PDE11A: variants seen among roughly 807,000 people sequenced by gnomAD.
The protein encoded by PDE11A is phosphodiesterase 11A.
A neutral mutation model predicts 100.5 loss-of-function variants in PDE11A; 100 were observed. The ratio of observed to expected loss-of-function variants is 1.00; its 90% CI spans 0.85 to 1.18. PDE11A has a LOEUF of 1.18. Among genes scored for constraint, PDE11A ranks in the 50% most tolerant of loss-of-function variants. The pLI is 0.00. For synonymous variants in PDE11A, 381 were observed against 420.8 expected (o/e 0.91, Z 1.16); for missense variants, 1,141 against 1,152.6 (o/e 0.99, Z 0.15).
At chr2:177,928,635 G>A (rs942318061) in intron 2 of PDE11A, among the ~76,000 whole-genome samples, 9 of 152,168 alleles carry the variant, frequency 5.9e-5, no homozygotes, top group African/African-American at 2.2e-4. Context: ...GAATAGCCAG[G>A]CACAATGGCT....
At chr2:178,057,130 T>C (rs150892486) in intron 1 of PDE11A, among the ~76,000 whole-genome samples, 6 of 152,320 alleles carry the variant, frequency 3.9e-5, no homozygotes, top group African/African-American at 1.4e-4. Flanking sequence ...TCCTTTGAGC[T>C]TTGGAGCATT....
intron 9 of PDE11A, among the ~76,000 whole-genome samples, chr2:177,800,681 C>A (rs748032036): frequency 5.9e-5 from 9 of 152,150 alleles, no homozygotes; most frequent in Non-Finnish European, 1.3e-4. Context: ...GAACCAGACC[C>A]ATAGACATAT....
chr2:177,761,330 G>T (rs756486353), intron 10 of PDE11A, among the ~76,000 whole-genome samples: 2 of 152,204 alleles, frequency 1.3e-5, no homozygotes, highest in Admixed American at 1.3e-4. Context: ...GGGTGAAATT[G>T]TCAGAAATTT....
At chr2:177,651,902 T>G (rs2080314940) in intron 19 of PDE11A, among the ~76,000 whole-genome samples, 1 of 152,170 alleles carries the variant, frequency 6.6e-6, no homozygotes, top group Admixed American at 6.5e-5. Context: ...ATACCCTCCC[T>G]AGTTTCTCAT....
chr2:177,811,594 G>T (rs970085566), intron 9 of PDE11A, among the ~76,000 whole-genome samples: 1 of 137,386 alleles, frequency 7.3e-6, no homozygotes, highest in African/African-American at 3.0e-5. Context: ...ACCATGTGTG[G>T]ATTATGGCTG....
intron 6 of PDE11A, among the ~76,000 whole-genome samples, chr2:177,828,597 A>C (rs993711964): frequency 1.3e-5 from 2 of 152,230 alleles, no homozygotes; most frequent in Non-Finnish European, 2.9e-5. Flanking sequence ...TAACATTTGG[A>C]CAATGGTCTT....
Position 177,701,179 on chromosome 2 carries a change from G to T in PDE11A, c.2186C>A (p.Thr729Asn). The change falls in exon 14 of 20, where the codon ACC becomes AAC. Residue 729 changes from threonine to asparagine, a missense_variant. By Grantham distance (65) the Thr-to-Asn change is moderately conservative. Transcript: ENST00000286063. ...SGSALAQLYGTSATLEHHHFN... is the reference protein window; with the variant it reads ...SGSALAQLYGNSATLEHHHFN... The stretch of plus-strand genomic sequence containing the variant: ...ATGGTGATGCTCCAAGGTAGCAGAG[G>T]TTCCATAGAGTTGGGCCAGGGCAGA... The T allele has an allele frequency of 1.9e-6, 3 of 1,605,724 alleles. No homozygotes were observed. Among genetic ancestry groups the T allele is most frequent in the South Asian group, 1.1e-5 (1 of 90,874 alleles).
intron 13 of PDE11A, among the ~76,000 whole-genome samples, chr2:177,705,946 AG>A (rs1288626830): frequency 6.6e-6 from 1 of 152,228 alleles, no homozygotes; most frequent in Non-Finnish European, 1.5e-5. Flanking sequence ...TTTAATCATC[AG>A]GGGCAGCTGT....
chr2:178,091,512 G>A (rs186857288), intron 2 of PDE11A, among the ~76,000 whole-genome samples: 28 of 152,236 alleles, frequency 1.8e-4, no homozygotes, highest in African/African-American at 6.5e-4. Flanking sequence ...CACATCACAG[G>A]GCTATTGTTG....
intron 9 of PDE11A, among the ~76,000 whole-genome samples, chr2:177,793,583 G>A (rs1038276927): frequency 3.3e-5 from 5 of 149,538 alleles, no homozygotes; most frequent in African/African-American, 4.9e-5. Flanking sequence ...GGGAGGAAAG[G>A]ACCAGAGCCA....
intron 1 of PDE11A, among the ~76,000 whole-genome samples, chr2:178,033,888 T>G (rs892395429): frequency 6.6e-6 from 1 of 152,104 alleles, no homozygotes; most frequent in Admixed American, 6.5e-5. Context: ...ACAAGACCCC[T>G]GAAGGAAGCA....
chr2:177,883,446 T>C (rs2084379481), intron 4 of PDE11A, among the ~76,000 whole-genome samples: 1 of 152,080 alleles, frequency 6.6e-6, no homozygotes, highest in Non-Finnish European at 1.5e-5. Context: ...ACAAACCATA[T>C]CCTATCCTTG....
chr2:177,922,367 C>T (rs1310056397), intron 2 of PDE11A, among the ~76,000 whole-genome samples: 1 of 152,116 alleles, frequency 6.6e-6, no homozygotes, highest in Non-Finnish European at 1.5e-5. Flanking sequence ...AGCACACCAA[C>T]ATGGCACATG....
intron 2 of PDE11A, among the ~76,000 whole-genome samples, chr2:178,089,634 G>A (rs2087397195): frequency 6.6e-6 from 1 of 152,244 alleles, no homozygotes; most frequent in Admixed American, 6.5e-5. Context: ...CAAAGACAGA[G>A]ACCAAGGTCA....
chr2:177,773,343 T>C (rs1189262795), intron 9 of PDE11A, among the ~76,000 whole-genome samples: 1 of 152,198 alleles, frequency 6.6e-6, no homozygotes, highest in African/African-American at 2.4e-5. Flanking sequence ...TGCCCCCGAG[T>C]TGTGAATATA....
In PDE11A at chr2:177,628,282, G is replaced by T. The variant is rs1356203373; in HGVS notation, c.*1125C>A. 1 of 152,570 alleles carries T rather than the reference G, an allele frequency of 6.6e-6. No homozygotes were observed. The highest frequency in any genetic ancestry group is 1.5e-5 in the Non-Finnish European group (1 of 68,032). 9.5% of individuals were successfully genotyped at this position (152,570 alleles called of 1,614,324 possible). A position where few individuals can be genotyped will look rare whatever the true frequency, so the allele number is the denominator to read the frequency against. ...CTATCTTCTAGCCCAATGTTCTTTG[G>T]ATAACACATACCATGTCCACAATTT... On this transcript the variant is annotated 3_prime_UTR_variant, in exon 20 of 20. Coordinates refer to ENST00000286063, the MANE Select transcript of PDE11A (RefSeq NM_016953.4).
intron 6 of PDE11A, among the ~76,000 whole-genome samples, chr2:177,835,769 G>A (rs928587169): frequency 7.2e-5 from 11 of 152,192 alleles, no homozygotes; most frequent in African/African-American, 1.7e-4. Context: ...CATTCGGAGC[G>A]GCCAGCTGGT....
At chr2:177,762,926 GGCTTGC>G (rs1303368635) in intron 10 of PDE11A, among the ~76,000 whole-genome samples, 1 of 152,184 alleles carries the variant, frequency 6.6e-6, no homozygotes. Context: ...GACGAGCCTG[GGCTTGC>G]AGATCTGGTT....
At chr2:178,061,920 C>A (rs1431881382) in intron 1 of PDE11A, among the ~76,000 whole-genome samples, 20 of 152,128 alleles carry the variant, frequency 1.3e-4, no homozygotes, top group Admixed American at 1.3e-3. Context: ...GCTCTTCTTC[C>A]CCCAGTTGAC....
Sources: allele counts gnomAD v4.1 joint callset (sites outside exome capture counted in the v4.1 genomes callset), GRCh38; gene constraint gnomAD v4.1.1; transcripts MANE v1.5; gene names NCBI Gene and HGNC (gene_info 2026-07-23, HGNC 2026-07-21).